Variants in SEMA6D observed in about 807,000 individuals in gnomAD.
SEMA6D encodes semaphorin 6D.
In SEMA6D, 35 loss-of-function variants were observed where a neutral mutation model predicts 106.6. The observed-to-expected ratio is 0.33, with a 90% CI of 0.25 to 0.44. The LOEUF is 0.44. SEMA6D is among the 20% of genes least tolerant of loss of function. SEMA6D has a pLI of 1.00. For missense variants in SEMA6D, 1,185 were observed against 1,345.9 expected, an observed-to-expected ratio of 0.88 and a Z score of 1.87; for synonymous variants, 499 against 487.7, an observed-to-expected ratio of 1.02 and a Z score of -0.31.
intron 3 of SEMA6D, among the ~76,000 whole-genome samples, chr15:47,518,421 G>C (rs924482784): frequency 2.0e-5 from 3 of 152,118 alleles, no homozygotes; most frequent in African/African-American, 4.8e-5. Flanking sequence ...TTTAAGAACA[G>C]GGATACATTG....
At chr15:47,561,001 T>C (rs1191008306) in intron 3 of SEMA6D, among the ~76,000 whole-genome samples, 1 of 151,360 alleles carries the variant, frequency 6.6e-6, no homozygotes, top group African/African-American at 2.4e-5. Flanking sequence ...AATTTCTGCT[T>C]AAATCACCCA....
chr15:47,342,438 T>C (rs1395658215), intron 1 of SEMA6D, among the ~76,000 whole-genome samples: 1 of 152,232 alleles, frequency 6.6e-6, no homozygotes, highest in Admixed American at 6.5e-5. Context: ...CAAGAAACAC[T>C]ATTAAGATGT....
At chr15:47,586,219 C>T (rs2076336417) in intron 3 of SEMA6D, among the ~76,000 whole-genome samples, 2 of 152,168 alleles carry the variant, frequency 1.3e-5, no homozygotes, top group Admixed American at 6.5e-5. Context: ...GATGTATTTT[C>T]ATGATGTATC....
chr15:47,284,384 C>T (rs1032358448), intron 1 of SEMA6D, among the ~76,000 whole-genome samples: 1 of 152,140 alleles, frequency 6.6e-6, no homozygotes, highest in Non-Finnish European at 1.5e-5. Flanking sequence ...GTCACTGGGC[C>T]CCCGTTTCTT....
chr15:47,292,524 A>G (rs897844548), intron 1 of SEMA6D, among the ~76,000 whole-genome samples: 5 of 152,204 alleles, frequency 3.3e-5, no homozygotes, highest in Non-Finnish European at 2.9e-5. Context: ...CAATGATTGC[A>G]TTTAGAACCT....
intron 1 of SEMA6D, among the ~76,000 whole-genome samples, chr15:47,237,720 C>T (rs1394802053): frequency 1.3e-5 from 2 of 151,908 alleles, no homozygotes; most frequent in Non-Finnish European, 2.9e-5. Context: ...ACTCTACACC[C>T]CCTTTTAACT....
At chr15:47,664,274 A>T (rs1329196015) in intron 4 of SEMA6D, among the ~76,000 whole-genome samples, 2 of 152,306 alleles carry the variant, frequency 1.3e-5, no homozygotes, top group Admixed American at 1.3e-4. Context: ...CAGGCACAAC[A>T]GAGGAATTTG....
intron 4 of SEMA6D, among the ~76,000 whole-genome samples, chr15:47,701,486 G>A (rs2078811102): frequency 6.6e-6 from 1 of 152,016 alleles, no homozygotes; most frequent in Admixed American, 6.6e-5. Flanking sequence ...TTCTATTCTT[G>A]CAAATTGCTA....
At chr15:47,650,655 G>A (rs2077669669) in intron 4 of SEMA6D, among the ~76,000 whole-genome samples, 1 of 152,142 alleles carries the variant, frequency 6.6e-6, no homozygotes, top group South Asian at 2.1e-4. Flanking sequence ...TGTGACATAG[G>A]AGAAACAGTT....
At chr15:47,186,164 C>G (rs1285560676) in intron 1 of SEMA6D, among the ~76,000 whole-genome samples, 2 of 152,118 alleles carry the variant, frequency 1.3e-5, no homozygotes, top group Non-Finnish European at 2.9e-5. Flanking sequence ...ACCCAACTGA[C>G]CTGGTTATAT....
At chr15:47,431,881 C>G (rs951877960) in intron 2 of SEMA6D, among the ~76,000 whole-genome samples, 3 of 152,010 alleles carry the variant, frequency 2.0e-5, no homozygotes, top group Non-Finnish European at 4.4e-5. Context: ...TATAAATAAG[C>G]CTCTTATTTA....
chr15:47,551,944 C>T (rs1400456204), intron 3 of SEMA6D, among the ~76,000 whole-genome samples: 1 of 152,034 alleles, frequency 6.6e-6, no homozygotes, highest in African/African-American at 2.4e-5. Context: ...AGGAATTTGA[C>T]CTTAGGTATC....
At chr15:47,683,893 A>G (rs757621199) in intron 4 of SEMA6D, among the ~76,000 whole-genome samples, 1 of 152,178 alleles carries the variant, frequency 6.6e-6, no homozygotes, top group Non-Finnish European at 1.5e-5. Flanking sequence ...TTTTTCTATC[A>G]ACATACGTTT....
intron 3 of SEMA6D, among the ~76,000 whole-genome samples, chr15:47,526,593 A>C (rs1300409789): frequency 6.6e-6 from 1 of 152,174 alleles, no homozygotes; most frequent in African/African-American, 2.4e-5. Context: ...GGAATCTGTA[A>C]TCAGTAGATA....
At chr15:47,537,805 G>T (rs1442878130) in intron 3 of SEMA6D, among the ~76,000 whole-genome samples, 1 of 152,158 alleles carries the variant, frequency 6.6e-6, no homozygotes. Context: ...TTGTGTCTGG[G>T]ATAATACATG....
chr15:47,507,703 C>T (rs2044095003), intron 3 of SEMA6D, among the ~76,000 whole-genome samples: 1 of 152,168 alleles, frequency 6.6e-6, no homozygotes, highest in Non-Finnish European at 1.5e-5. Context: ...TGTAGCTTGA[C>T]AATTACCTCA....
chr15:47,543,934 TG>T (rs2045438887), intron 3 of SEMA6D, among the ~76,000 whole-genome samples: 1 of 152,070 alleles, frequency 6.6e-6, no homozygotes, highest in East Asian at 1.9e-4. Context: ...TAGACCAGAG[TG>T]AACTTCCAGA....
At chr15:47,422,157 A>G (rs1373305151) in intron 2 of SEMA6D, among the ~76,000 whole-genome samples, 1 of 111,614 alleles carries the variant, frequency 9.0e-6, no homozygotes, top group South Asian at 3.2e-4. Flanking sequence ...TAACACTCTT[A>G]TTTTTTGCCC....
intron 1 of SEMA6D, among the ~76,000 whole-genome samples, chr15:47,394,420 A>C (rs1394403166): frequency 6.6e-6 from 1 of 152,192 alleles, no homozygotes; most frequent in Non-Finnish European, 1.5e-5. Flanking sequence ...ACCAGAATGC[A>C]GACAGATTCT....
Sources: gnomAD v4.1 joint callset for allele counts (sites outside exome capture counted in the v4.1 genomes callset) on GRCh38, gnomAD v4.1.1 for gene constraint, MANE v1.5 for transcripts, NCBI Gene and HGNC (gene_info 2026-07-23, HGNC 2026-07-21) for gene names.